Variants in BLVRA observed in about 807,000 individuals in gnomAD.
The protein encoded by BLVRA is biliverdin reductase A, also known as BVR A.
In BLVRA, 22 loss-of-function variants were observed where a neutral mutation model predicts 32.8. The ratio of observed to expected loss-of-function variants is 0.67; its 90% confidence interval spans 0.48 to 0.96. BLVRA has a LOEUF of 0.96. BLVRA is among the 40% of genes least tolerant of loss of function. The probability of loss-of-function intolerance (pLI) is 0.00; values close to 1 mark genes in which losing one functional copy is unlikely to be tolerated. For missense variants in BLVRA, 323 were observed against 358.1 expected, an observed-to-expected ratio of 0.90 and a Z score of 0.79; for synonymous variants, 119 against 141.3, an observed-to-expected ratio of 0.84 and a Z score of 1.12.
At chr7:43,777,512 G>A (rs1272115624) in intron 2 of BLVRA, among the ~76,000 whole-genome samples, 6 of 152,100 alleles carry the variant, frequency 3.9e-5, no homozygotes, top group African/African-American at 9.7e-5. Flanking sequence ...CGAGAGATCC[G>A]CTGTTAGTCT....
chr7:43,770,661 G>A (rs777213697), intron 1 of BLVRA, among the ~76,000 whole-genome samples: 2 of 152,064 alleles, frequency 1.3e-5, no homozygotes, highest in Non-Finnish European at 2.9e-5. Context: ...TTAATGCTGA[G>A]GGTCCGGAGC....
At chr7:43,778,442 G>A (rs1427362446) in intron 2 of BLVRA, among the ~76,000 whole-genome samples, 3 of 152,220 alleles carry the variant, frequency 2.0e-5, no homozygotes, top group Non-Finnish European at 4.4e-5. Flanking sequence ...AGCAGCGGTG[G>A]CTGCAGTACA....
chr7:43,771,050 G>A, intron 1 of BLVRA, 88 bp from the exon 2 acceptor site: 1 of 1,107,116 alleles, frequency 9.0e-7, no homozygotes, highest in Non-Finnish European at 1.4e-6. Context: ...GGAAGCAGTG[G>A]GGGAGCATGG....
At chr7:43,774,685 T>G (rs1321202622) in intron 2 of BLVRA, among the ~76,000 whole-genome samples, 4 of 152,178 alleles carry the variant, frequency 2.6e-5, no homozygotes, top group African/African-American at 4.8e-5. Flanking sequence ...GAAAGTCATT[T>G]GTAGCTTGAT....
chr7:43,759,144 T>G (rs944937564), intron 1 of BLVRA, among the ~76,000 whole-genome samples: 1 of 152,198 alleles, frequency 6.6e-6, no homozygotes, highest in South Asian at 2.1e-4. Flanking sequence ...GGCCGCTAGC[T>G]CGGCCGGGAC....
Position 43,787,818 on chromosome 7 carries a change from G to C in BLVRA, c.13-86G>C, listed in dbSNP as rs2095779669. The C allele has an allele frequency of 6.2e-7, 1 of 1,607,370 alleles. No homozygotes were observed. The highest frequency in any genetic ancestry group is 8.5e-7 in the Non-Finnish European group (1 of 1,174,366). ...TGGGCTGGCTTCCATCTTGCTCGTC[G>C]GGACCCTGCCAGCTCCTTTGTTTTG... On this transcript the variant is annotated intron_variant, in intron 2 of 7. Transcript: ENST00000265523. This position sits in a 1 kb window ranked among gnomAD's most constrained non-coding sequence, Gnocchi z 4.5.
chr7:43,767,496 C>A, intron 1 of BLVRA: 1 of 1,275,488 alleles, frequency 7.8e-7, no homozygotes, highest in Non-Finnish European at 1.1e-6. Context: ...TGTTTTTATG[C>A]TGCTATTGTT....
intron 2 of BLVRA, among the ~76,000 whole-genome samples, chr7:43,780,828 G>GT (rs1291718394): frequency 6.6e-6 from 1 of 152,214 alleles, no homozygotes; most frequent in Non-Finnish European, 1.5e-5. Flanking sequence ...GAAACATTTT[G>GT]TTTTTGTGCA....
At chr7:43,793,554 C>T (rs1373801223) in intron 5 of BLVRA, among the ~76,000 whole-genome samples, 1 of 151,844 alleles carries the variant, frequency 6.6e-6, no homozygotes, top group Non-Finnish European at 1.5e-5. Context: ...TTTGGGAGGC[C>T]AAGGAGCTTG....
chr7:43,769,036 A>G (rs2095751489), intron 1 of BLVRA, among the ~76,000 whole-genome samples: 1 of 151,828 alleles, frequency 6.6e-6, no homozygotes, highest in South Asian at 2.1e-4. Flanking sequence ...AGAGGTGACG[A>G]CATGTGAGAT....
intron 4 of BLVRA, 30 bp from the exon 5 acceptor site, chr7:43,792,685 C>CT (rs759609034): frequency 1.3e-6 from 2 of 1,583,140 alleles, no homozygotes; most frequent in Non-Finnish European, 1.7e-6. Context: ...TCGAAGTGTT[C>CT]TTTCTCTGTA....
chr7:43,787,999 C>T lies in BLVRA; in HGVS notation c.108C>T (p.Phe36=). 6.2e-7 allele frequency: 1 copy of T among 1,614,168 alleles called. No homozygotes were observed. The change falls in exon 3 of 8, where the codon TTC becomes TTT. Residue 36 remains phenylalanine, a synonymous_variant. Coordinates refer to ENST00000265523, the MANE Select transcript of BLVRA (RefSeq NM_000712.4). This position sits in a 1 kb window ranked among gnomAD's most constrained non-coding sequence, Gnocchi z 4.5. The part of the protein sequence containing the change: ...DLRNPHPSSA[F]LNLIGFVSRR... ...GGAATCCACACCCTTCCTCAGCGTT[C>T]CTGAACCTGATTGGCTTCGTGTCGA... is the stretch of plus-strand genomic sequence containing the variant.
chr7:43,766,707 G>A (rs2095748362), intron 1 of BLVRA, among the ~76,000 whole-genome samples: 2 of 152,192 alleles, frequency 1.3e-5, no homozygotes. Context: ...AGGGGGAGTT[G>A]AAAGCAGAAG....
Position 43,801,434 on chromosome 7 carries a change from C to T in BLVRA, c.460+862C>T, listed in dbSNP as rs17239664. ...CTTTTGGATGGGCTCCTTCTCTGGCCGTATCGTTGGGCACCTGGGCCACCA... is the reference window on the plus strand; with the variant it reads ...CTTTTGGATGGGCTCCTTCTCTGGCTGTATCGTTGGGCACCTGGGCCACCA... On this transcript the variant is annotated intron_variant, in intron 6 of 7. Coordinates refer to ENST00000265523, the MANE Select transcript of BLVRA (RefSeq NM_000712.4). 3.5e-3 allele frequency among the ~76,000 whole-genome samples: 534 copies of T among 152,266 alleles called. 5 individuals carry two copies. Among genetic ancestry groups the T allele is most frequent in the Admixed American group, 0.031 (477 of 15,282 alleles).
At chr7:43,777,549 G>A (rs1166792823) in intron 2 of BLVRA, among the ~76,000 whole-genome samples, 18 of 152,156 alleles carry the variant, frequency 1.2e-4, no homozygotes, top group South Asian at 4.1e-4. Flanking sequence ...TGGATAACCC[G>A]ACCTTTCTCT....
At chr7:43,769,103 C>T (rs890802482) in intron 1 of BLVRA, among the ~76,000 whole-genome samples, 3 of 152,106 alleles carry the variant, frequency 2.0e-5, no homozygotes, top group Non-Finnish European at 4.4e-5. Context: ...TCATAGCTCA[C>T]TGCAGCCTCA....
chr7:43,769,630 A>C (rs951604578), intron 1 of BLVRA, among the ~76,000 whole-genome samples: 2 of 150,730 alleles, frequency 1.3e-5, no homozygotes, highest in African/African-American at 4.9e-5. Context: ...TCTTTGAGAC[A>C]GAGTCTCACT....
At chr7:43,797,336 C>T (rs2095793915) in intron 5 of BLVRA, among the ~76,000 whole-genome samples, 1 of 152,244 alleles carries the variant, frequency 6.6e-6, no homozygotes, top group Admixed American at 6.5e-5. Flanking sequence ...GATCCGCCTG[C>T]CTGAGCCTCC....
intron 1 of BLVRA, among the ~76,000 whole-genome samples, chr7:43,765,755 A>G (rs2095747130): frequency 6.6e-6 from 1 of 152,248 alleles, no homozygotes; most frequent in African/African-American, 2.4e-5. Context: ...TAAAGCCACA[A>G]TCATGTAAAC....
Sources: allele counts gnomAD v4.1 joint callset (sites outside exome capture counted in the v4.1 genomes callset), GRCh38; gene constraint gnomAD v4.1.1; non-coding constraint Gnocchi (gnomAD v3.1); transcripts MANE v1.5; gene names NCBI Gene and HGNC (gene_info 2026-07-23, HGNC 2026-07-21).